The following RFPL3 variants were observed in gnomAD, a reference collection of about 807,000 sequenced individuals.
The protein encoded by RFPL3 is ret finger protein-like 3.
In RFPL3, 8 loss-of-function variants were observed where a neutral mutation model predicts 8.7. The observed-to-expected ratio is 0.92, with a 90% CI of 0.54 to 1.66. The LOEUF (loss-of-function observed/expected upper bound fraction) is 1.66. RFPL3 is among the 40% of genes most tolerant of loss of function. The pLI, the probability that RFPL3 is intolerant of heterozygous loss-of-function variation, is 0.00. For missense variants in RFPL3, 341 were observed against 395.0 expected, an observed-to-expected ratio of 0.86 and a Z score of 1.16; for synonymous variants, 145 against 150.5, an observed-to-expected ratio of 0.96 and a Z score of 0.27.
rs757520514 is a variant in RFPL3, at chr22:32,360,882, A to G, written c.*50A>G. 6.7e-7 allele frequency: 1 copy of G among 1,494,946 alleles called. No individual in the cohort carries two copies. The highest frequency in any genetic ancestry group is 2.3e-5 in the East Asian group (1 of 43,704). 92.6% of individuals were successfully genotyped at this position (1,494,946 alleles called of 1,614,324 possible). A position where few individuals can be genotyped will look rare whatever the true frequency, so the allele number is the denominator to read the frequency against. ...GTCAGAAAATTACTTGGGTGGGTAG[A>G]CTTAGGAATTTTCTACTTGGTAAAA... is the stretch of plus-strand genomic sequence containing the variant. On this transcript the variant is annotated 3_prime_UTR_variant, in exon 2 of 2. Coordinates refer to ENST00000249007, the MANE Select transcript of RFPL3 (RefSeq NM_001098535.1).
upstream of RFPL3, chr22:32,356,564 A>G (rs539543055): frequency 2.7e-5 from 5 of 188,552 alleles, no homozygotes; most frequent in South Asian, 5.7e-4. Flanking sequence ...ATATTTATTA[A>G]GGGTTTACTG....
chr22:32,356,194 A>G (rs1274850247), upstream of RFPL3, among the ~76,000 whole-genome samples: 2 of 151,946 alleles, frequency 1.3e-5, no homozygotes, highest in African/African-American at 2.4e-5. Context: ...TTTCAAGGCT[A>G]AAGAAACAGA....
intron 1 of RFPL3, 139 bp from the exon 2 acceptor site, chr22:32,360,113 T>C (rs1002203903): frequency 8.7e-7 from 1 of 1,149,814 alleles, no homozygotes; most frequent in African/African-American, 1.6e-5. Flanking sequence ...GGAAGTTTCC[T>C]CATGAAAAGT....
chr22:32,355,444 C>A (rs985174266), upstream of RFPL3, among the ~76,000 whole-genome samples: 1 of 152,014 alleles, frequency 6.6e-6, no homozygotes, highest in Non-Finnish European at 1.5e-5. Context: ...TGATGTGGGA[C>A]CTGGTTTTCC....
At chr22:32,357,616 G>C (rs1462910846), upstream of RFPL3, among the ~76,000 whole-genome samples, 5 of 152,176 alleles carry the variant, frequency 3.3e-5, no homozygotes, top group South Asian at 8.3e-4. Flanking sequence ...ACAGGCGTGT[G>C]CCACCACGCC....
chr22:32,358,540 G>T, intron 1 of RFPL3, 96 bp downstream of exon 1: 1 of 1,484,822 alleles, frequency 6.7e-7, no homozygotes, highest in East Asian at 2.3e-5. Context: ...ATTAGCTGCT[G>T]TCTGGCACCT....
upstream of RFPL3, chr22:32,357,846 G>A (rs1026354734): frequency 1.1e-5 from 16 of 1,413,536 alleles, no homozygotes; most frequent in Middle Eastern, 2.6e-4. Flanking sequence ...ACCCCAGCTC[G>A]CTGTTCCTCA....
intron 1 of RFPL3, chr22:32,359,774 T>C (rs868783518): frequency 1.9e-5 from 3 of 157,704 alleles, no homozygotes; most frequent in African/African-American, 7.2e-5. Context: ...AGATACCCTA[T>C]CTGCTGTCAG....
At chr22:32,355,800 A>AAAAAAG (rs1556020592), upstream of RFPL3, among the ~76,000 whole-genome samples, 1 of 146,750 alleles carries the variant, frequency 6.8e-6, no homozygotes, top group Non-Finnish European at 1.5e-5. Context: ...AAAAAAAAAA[A>AAAAAAG]GAAAGAAAAG....
Position 32,360,583 on chromosome 22 carries a change from C to T in RFPL3, c.705C>T (p.Phe235=), listed in dbSNP as rs764417897. Residue 235 remains phenylalanine (F), a synonymous_variant, in exon 2 of 2, where the codon TTC becomes TTT. Coordinates refer to ENST00000249007, the MANE Select transcript of RFPL3 (RefSeq NM_001098535.1). ...RLSASTVPLT[F]LLVDRKLQRV... ...CTGCCAGCACGGTGCCGCTGACTTT[C>T]CTCTTAGTAGACCGCAAGTTACAGC... 2 of 1,613,760 alleles carry T rather than the reference C, an allele frequency of 1.2e-6. No individual in the cohort carries two copies. Among genetic ancestry groups the T allele is most frequent in the East Asian group, 4.5e-5 (2 of 44,900 alleles).
At position 32,360,696 on chromosome 22, in the gene RFPL3, T is replaced by C. The variant is rs777368393; in HGVS notation, c.818T>C (p.Val273Ala). Residue 273 changes from valine to alanine, a missense_variant, in exon 2 of 2, where the codon GTC (valine) becomes GCC (alanine). Val to Ala is a moderately conservative substitution (Grantham distance 64). Transcript: ENST00000249007. ...SGSHVYTFRSVSAEEPLRPFL... is the reference protein window; with the variant it reads ...SGSHVYTFRSASAEEPLRPFL... Reference sequence around the variant, plus strand: ...TCCCATGTCTATACATTCAGGAGCGTCTCTGCTGAGGAGCCACTGCGCCCA... The same window carrying C: ...TCCCATGTCTATACATTCAGGAGCGCCTCTGCTGAGGAGCCACTGCGCCCA... 1 of 1,614,110 alleles carries C rather than the reference T, an allele frequency of 6.2e-7. No homozygotes were observed. Among genetic ancestry groups the C allele is most frequent in the Admixed American group, 1.7e-5 (1 of 60,008 alleles).
upstream of RFPL3, among the ~76,000 whole-genome samples, chr22:32,357,589 C>A (rs200530685): frequency 6.6e-6 from 1 of 152,174 alleles, no homozygotes; most frequent in Non-Finnish European, 1.5e-5. Flanking sequence ...GCCAAAGCCT[C>A]CCAAGTATCT....
upstream of RFPL3, among the ~76,000 whole-genome samples, chr22:32,357,617 C>G (rs1043091035): frequency 6.6e-6 from 1 of 152,210 alleles, no homozygotes; most frequent in African/African-American, 2.4e-5. Context: ...CAGGCGTGTG[C>G]CACCACGCCT....
chr22:32,357,660 G>A (rs1932713331), upstream of RFPL3, among the ~76,000 whole-genome samples: 1 of 152,066 alleles, frequency 6.6e-6, no homozygotes, highest in African/African-American at 2.4e-5. Context: ...GTAGAGATGG[G>A]GTTTCACCCA....
At position 32,360,325 on chromosome 22, in the gene RFPL3, T is replaced by G. The variant is rs776476330; in HGVS notation, c.447T>G (p.Ser149Arg). 7.4e-6 allele frequency: 12 copies of G among 1,613,932 alleles called. No individual in the cohort carries two copies. The highest frequency in any genetic ancestry group is 1.7e-5 in the Admixed American group (1 of 60,020). The change falls in exon 2 of 2, where the codon AGT (serine) becomes AGG (arginine). Residue 149 changes from serine (S) to arginine (R), a missense_variant. Ser to Arg is a moderately radical substitution (Grantham distance 110). Transcript: ENST00000249007. ...LISDDLRSVR[S>R]GLITQNRQDL... ...CTGACGACCTCAGGAGCGTCCGAAG[T>G]GGGCTCATCACACAGAATCGGCAAG...
upstream of RFPL3, among the ~76,000 whole-genome samples, chr22:32,357,589 C>G (rs200530685): frequency 1.3e-5 from 2 of 152,174 alleles, no homozygotes; most frequent in East Asian, 3.9e-4. Context: ...GCCAAAGCCT[C>G]CCAAGTATCT....
intron 1 of RFPL3, among the ~76,000 whole-genome samples, chr22:32,359,625 C>T (rs5754011): frequency 0.072 from 10,889 of 152,150 alleles, 829 homozygotes; most frequent in East Asian, 0.46. Flanking sequence ...CCAAAATTTA[C>T]CATTGTTTTG....
At chr22:32,358,575 A>G in intron 1 of RFPL3, 131 bp downstream of exon 1, 1 of 1,329,800 alleles carries the variant, frequency 7.5e-7, no homozygotes. Flanking sequence ...TCATCATCAC[A>G]TTCTCAGCCC....
intron 1 of RFPL3, chr22:32,359,951 A>AG (rs1182603250): frequency 7.2e-6 from 3 of 415,402 alleles, no homozygotes; most frequent in African/African-American, 4.0e-5. Context: ...GGTGGTAGAA[A>AG]GGGGGGCATG....
Sources: gnomAD v4.1 joint callset for allele counts (sites outside exome capture counted in the v4.1 genomes callset) on GRCh38, gnomAD v4.1.1 for gene constraint, MANE v1.5 for transcripts, NCBI Gene and HGNC (gene_info 2026-07-23, HGNC 2026-07-21) for gene names.